Variants in UBE2QL1 observed in about 807,000 individuals in gnomAD.
UBE2QL1 encodes the protein ubiquitin-conjugating enzyme E2Q-like protein 1.
In UBE2QL1, 5 loss-of-function variants were observed where a neutral mutation model predicts 12.6. The ratio of observed to expected loss-of-function variants is 0.40; its 90% CI spans 0.21 to 0.83. UBE2QL1 has a LOEUF of 0.83. UBE2QL1 is among the 40% of genes least tolerant of loss of function. The pLI is 0.37. For synonymous variants in UBE2QL1, 96 were observed against 94.5 expected (o/e 1.02, Z -0.10); for missense variants, 99 against 222.6 (o/e 0.44, Z 3.53).
intron 1 of UBE2QL1, among the ~76,000 whole-genome samples, chr5:6,484,435 G>A (rs1035822695): frequency 2.0e-5 from 3 of 152,158 alleles, no homozygotes; most frequent in African/African-American, 7.2e-5. Context: ...CTTCTGCGGT[G>A]CCTCTGCCTT....
rs948709693 is a variant in UBE2QL1 at position 6,492,956 on chromosome 5, C to T, written c.*1607C>T. 6 of 152,364 alleles carry T rather than the reference C, an allele frequency of 3.9e-5. No individual in the cohort carries two copies. The highest frequency in any genetic ancestry group is 1.4e-4 in the African/African-American group (6 of 41,582). 9.4% of individuals were successfully genotyped at this position (152,364 alleles called of 1,614,324 possible). A position where few individuals can be genotyped will look rare whatever the true frequency, so the allele number is the denominator to read the frequency against. On this transcript the variant is annotated 3_prime_UTR_variant, in exon 2 of 2. Coordinates refer to ENST00000399816, the MANE Select transcript of UBE2QL1 (RefSeq NM_001145161.3). ...TCAAGGTTTTCAGAGATCCAAGAGG[C>T]CTTGCCTCAAAGAACAAGGATTGGC...
chr5:6,474,354 G>C (rs1228417571), intron 1 of UBE2QL1, among the ~76,000 whole-genome samples: 1 of 152,228 alleles, frequency 6.6e-6, no homozygotes, highest in Admixed American at 6.5e-5. Context: ...CCTGGCTTAG[G>C]AGACGTTATT....
chr5:6,475,574 CT>C (rs1734212491), intron 1 of UBE2QL1, among the ~76,000 whole-genome samples: 1 of 151,822 alleles, frequency 6.6e-6, no homozygotes, highest in South Asian at 2.1e-4. Context: ...CGGTCCATTC[CT>C]TTTATCCAGT....
intron 1 of UBE2QL1, among the ~76,000 whole-genome samples, chr5:6,487,397 G>A (rs185047600): frequency 6.6e-6 from 1 of 152,318 alleles, no homozygotes; most frequent in African/African-American, 2.4e-5. Context: ...GACTTTTAAG[G>A]TGGTGATGGC....
rs147225394 is a variant in UBE2QL1, at chr5:6,480,549, T to C, written c.355-10669T>C. ...TAGTGGGATCTCCAAAAAATAACCT[T>C]GAGAGGATTATCTCATATCATTACA... On this transcript the variant is annotated intron_variant, in intron 1 of 1. Transcript: ENST00000399816. 7.3e-4 allele frequency among the ~76,000 whole-genome samples: 111 copies of C among 152,348 alleles called. No homozygotes were observed. The Middle Eastern group carries it at 0.01, about 14-fold the overall frequency.
chr5:6,449,694 T>C (rs1739372376), intron 1 of UBE2QL1, among the ~76,000 whole-genome samples: 1 of 150,098 alleles, frequency 6.7e-6, no homozygotes, highest in Non-Finnish European at 1.5e-5. Context: ...TTTTCATTTT[T>C]TCCTTCTCCA....
intron 1 of UBE2QL1, among the ~76,000 whole-genome samples, chr5:6,473,211 T>C (rs1383422381): frequency 6.6e-6 from 1 of 152,226 alleles, no homozygotes; most frequent in Non-Finnish European, 1.5e-5. Context: ...TAGCTTTTTG[T>C]GGACCTTGTA....
intron 1 of UBE2QL1, among the ~76,000 whole-genome samples, chr5:6,484,539 GC>G (rs1402651377): frequency 6.6e-6 from 1 of 152,166 alleles, no homozygotes; most frequent in Non-Finnish European, 1.5e-5. Context: ...TGCAAAGGTT[GC>G]CCAGGTCAAC....
chr5:6,489,349 A>C (rs575868934), intron 1 of UBE2QL1, among the ~76,000 whole-genome samples: 2 of 152,224 alleles, frequency 1.3e-5, no homozygotes, highest in South Asian at 4.1e-4. Context: ...GTTTGAGCCC[A>C]GGAGTTTGAG....
intron 1 of UBE2QL1, among the ~76,000 whole-genome samples, chr5:6,467,786 CTG>C (rs1365813610): frequency 6.6e-6 from 1 of 152,048 alleles, no homozygotes; most frequent in African/African-American, 2.4e-5. Context: ...GCCCCCCAGA[CTG>C]TGTTCCTTCC....
intron 1 of UBE2QL1, among the ~76,000 whole-genome samples, chr5:6,475,089 C>T (rs72717943): frequency 0.032 from 4,865 of 152,202 alleles, 168 homozygotes; most frequent in Admixed American, 0.095. Flanking sequence ...TAAAAATCAC[C>T]GATTGAATTA....
intron 1 of UBE2QL1, among the ~76,000 whole-genome samples, chr5:6,483,023 G>A (rs981722428): frequency 2.6e-5 from 4 of 152,200 alleles, no homozygotes; most frequent in Non-Finnish European, 4.4e-5. Flanking sequence ...TCCCTGCTGC[G>A]AGTCCAACAC....
intron 1 of UBE2QL1, among the ~76,000 whole-genome samples, chr5:6,464,461 T>C (rs1008666290): frequency 2.6e-5 from 4 of 152,236 alleles, no homozygotes; most frequent in African/African-American, 9.6e-5. Context: ...TTTGTTCCTG[T>C]GTCTGATTAG....
At position 6,492,905 on chromosome 5, in the gene UBE2QL1, G is replaced by T. The variant is rs528903148; in HGVS notation, c.*1556G>T. On this transcript the variant is annotated 3_prime_UTR_variant, in exon 2 of 2. Coordinates refer to ENST00000399816, the MANE Select transcript of UBE2QL1 (RefSeq NM_001145161.3). ...TGTATTCAATTCTTCAGGCAGTTTT[G>T]TCTACTTGGGGACCTGCCCATTGGT... is the stretch of plus-strand genomic sequence containing the variant. The T allele has an allele frequency of 6.6e-6, 1 of 152,264 alleles. No homozygotes were observed. Among genetic ancestry groups the T allele is most frequent in the Admixed American group, 6.5e-5 (1 of 15,290 alleles). The allele number at this position is 152,264 out of a possible 1,614,324, so 9.4% of individuals were successfully genotyped here. A position where few individuals can be genotyped will look rare whatever the true frequency, so the allele number is the denominator to read the frequency against.
Position 6,481,385 on chromosome 5 carries a change from G to A in UBE2QL1, c.355-9833G>A, listed in dbSNP as rs1734357436. On this transcript the variant is annotated intron_variant, in intron 1 of 1. Transcript: ENST00000399816. The surrounding 1 kb of genome is among the most constrained non-coding windows in gnomAD (Gnocchi z 4.5). ...TTATCCCCATGCAGGAGGTGAGGGC[G>A]GGTAGTGACATGGGTGCAGCGGCTA... 6.6e-6 allele frequency among the ~76,000 whole-genome samples: 1 copy of A among 152,154 alleles called. No homozygotes were observed. The highest frequency in any genetic ancestry group is 6.5e-5 in the Admixed American group (1 of 15,280).
chr5:6,477,545 T>A (rs1734261362), intron 1 of UBE2QL1, among the ~76,000 whole-genome samples: 1 of 152,132 alleles, frequency 6.6e-6, no homozygotes, highest in African/African-American at 2.4e-5. Flanking sequence ...TGACTAGAAG[T>A]CAGTGGGGCT....
chr5:6,466,114 G>A (rs1035348940), intron 1 of UBE2QL1, among the ~76,000 whole-genome samples: 2 of 151,982 alleles, frequency 1.3e-5, no homozygotes, highest in African/African-American at 4.8e-5. Context: ...GAGAGGCTGA[G>A]GCCTCCCCAC....
Position 6,465,934 on chromosome 5 carries a change from C to G in UBE2QL1, c.354+16687C>G, listed in dbSNP as rs534426344. Among the ~76,000 whole-genome samples the G allele has an allele frequency of 8.7e-4, 133 of 152,310 alleles. No individual in the cohort carries two copies. In the Middle Eastern group the frequency reaches 0.014, roughly 16 times the overall value. ...CTTTCTCCTCTCAGTGTATTTGCTC[C>G]CTTCCTTCCCCCGACACCAGCCTGT... is the stretch of plus-strand genomic sequence containing the variant. On this transcript the variant is annotated intron_variant, in intron 1 of 1. Coordinates refer to ENST00000399816, the MANE Select transcript of UBE2QL1 (RefSeq NM_001145161.3).
At chr5:6,486,710 A>G (rs1201688936) in intron 1 of UBE2QL1, among the ~76,000 whole-genome samples, 1 of 152,240 alleles carries the variant, frequency 6.6e-6, no homozygotes, top group African/African-American at 2.4e-5. Context: ...CTGAATGAAT[A>G]AAGAATGAAT....
Sources: gnomAD v4.1 joint callset for allele counts (sites outside exome capture counted in the v4.1 genomes callset) on GRCh38, gnomAD v4.1.1 for gene constraint, Gnocchi (gnomAD v3.1) non-coding constraint, MANE v1.5 for transcripts, NCBI Gene and HGNC (gene_info 2026-07-23, HGNC 2026-07-21) for gene names.